Variants in EIF4G3 observed in about 807,000 individuals in gnomAD.
EIF4G3 encodes eIF-4-gamma 3.
Under a neutral mutation model 186.4 loss-of-function variants are expected in EIF4G3, and 34 were observed. The ratio of observed to expected loss-of-function variants is 0.18; its 90% CI spans 0.14 to 0.24. EIF4G3 has a LOEUF of 0.24. EIF4G3 is among the 10% of genes least tolerant of loss of function. The pLI, the probability that EIF4G3 is intolerant of heterozygous loss-of-function variation, is 1.00. For synonymous variants in EIF4G3, 673 were observed against 679.5 expected (o/e 0.99, Z 0.15); for missense variants, 1,536 against 1,948.5 (o/e 0.79, Z 3.99).
chr1:20,884,675 G>A (rs2083523901), intron 19 of EIF4G3, among the ~76,000 whole-genome samples: 1 of 152,122 alleles, frequency 6.6e-6, no homozygotes, highest in African/African-American at 2.4e-5. Flanking sequence ...GGAACCCTGT[G>A]GCAAATGTTT....
At chr1:20,878,578 T>C (rs1293787829) in intron 20 of EIF4G3, among the ~76,000 whole-genome samples, 2 of 152,194 alleles carry the variant, frequency 1.3e-5, no homozygotes, top group African/African-American at 4.8e-5. Flanking sequence ...TGAGAGAATT[T>C]TGCATTTTCA....
intron 14 of EIF4G3, among the ~76,000 whole-genome samples, chr1:20,939,340 T>C (rs1324673458): frequency 6.6e-6 from 1 of 152,194 alleles, no homozygotes; most frequent in Non-Finnish European, 1.5e-5. Context: ...CTTTCTTTTC[T>C]AAGTGCTCTC....
chr1:20,826,134 C>T (rs1356314998), intron 32 of EIF4G3, among the ~76,000 whole-genome samples: 1 of 152,168 alleles, frequency 6.6e-6, no homozygotes. Flanking sequence ...GCTGTTTCTA[C>T]ACATCAAAGT....
chr1:20,812,476 A>G lies in EIF4G3; in HGVS notation c.4597+682T>C, dbSNP rs998530. Among the ~76,000 whole-genome samples the G allele has an allele frequency of 7.1e-3, 1,085 of 152,352 alleles. 42 individuals are homozygous for G. The highest frequency in any genetic ancestry group is 0.05 in the Admixed American group (772 of 15,306). On this transcript the variant is annotated intron_variant, in intron 35 of 36. Transcript: ENST00000602326. ...AAGCTATATTAAGTGGCAGAAAGCCATCTTCAAAATAGAGACAGACTTGAA... is the reference window on the plus strand; with the variant it reads ...AAGCTATATTAAGTGGCAGAAAGCCGTCTTCAAAATAGAGACAGACTTGAA...
At chr1:20,922,131 T>C (rs2094528970) in intron 14 of EIF4G3, among the ~76,000 whole-genome samples, 1 of 152,240 alleles carries the variant, frequency 6.6e-6, no homozygotes, top group Non-Finnish European at 1.5e-5. Context: ...TATTTCCATA[T>C]CGAACATAAC....
intron 4 of EIF4G3, among the ~76,000 whole-genome samples, chr1:21,036,334 G>A (rs2093195923): frequency 6.6e-6 from 1 of 152,098 alleles, no homozygotes; most frequent in African/African-American, 2.4e-5. Context: ...TCTTCATCTT[G>A]TACACTCTAC....
intron 14 of EIF4G3, among the ~76,000 whole-genome samples, chr1:20,917,883 A>G (rs1010512216): frequency 6.6e-6 from 1 of 152,204 alleles, no homozygotes; most frequent in African/African-American, 2.4e-5. Context: ...GTTTACTGAC[A>G]TAAAAACATT....
chr1:20,962,537 G>C (rs994386618), intron 12 of EIF4G3, among the ~76,000 whole-genome samples: 2 of 152,128 alleles, frequency 1.3e-5, no homozygotes, highest in African/African-American at 4.8e-5. Flanking sequence ...TCAAAAAGTT[G>C]ATATCAAGCA....
At chr1:21,135,935 G>A (rs924241578) in intron 2 of EIF4G3, among the ~76,000 whole-genome samples, 33 of 152,168 alleles carry the variant, frequency 2.2e-4, no homozygotes, top group African/African-American at 8.0e-4. Flanking sequence ...TGTAATCCCA[G>A]CACTTTGGGA....
Position 20,941,690 on chromosome 1 carries a change from A to C in EIF4G3, c.1464T>G (p.Val488=). ...AACTAACAGTAGTGGCAGCAGCAGG[A>C]ACAATGACTGGAGTGTGAGGAGGAG... The part of the protein sequence containing the change: ...PASPPHTPVI[V]PAAATTVSSP... Residue 488 remains valine, a synonymous_variant, in exon 14 of 37, where the codon GTT becomes GTG. Coordinates refer to ENST00000602326, the MANE Select transcript of EIF4G3 (RefSeq NM_001391906.1). 6.2e-7 allele frequency: 1 copy of C among 1,613,286 alleles called. No homozygotes were observed. The highest frequency in any genetic ancestry group is 8.5e-7 in the Non-Finnish European group (1 of 1,179,672).
chr1:21,146,150 C>T (rs898343581), intron 2 of EIF4G3, among the ~76,000 whole-genome samples: 2 of 151,994 alleles, frequency 1.3e-5, no homozygotes, highest in African/African-American at 2.4e-5. Context: ...GCCCAGGAAT[C>T]GCAGACCAGT....
At chr1:21,059,950 CA>C (rs931999867) in intron 3 of EIF4G3, among the ~76,000 whole-genome samples, 2 of 152,210 alleles carry the variant, frequency 1.3e-5, no homozygotes, top group Admixed American at 1.3e-4. Context: ...TTGAGGGCCA[CA>C]GGGCAAACTC....
At chr1:20,816,378 G>A (rs1421016799) in intron 34 of EIF4G3, among the ~76,000 whole-genome samples, 3 of 101,836 alleles carry the variant, frequency 2.9e-5, no homozygotes, top group Non-Finnish European at 4.2e-5. Flanking sequence ...GGGGGGGTCA[G>A]CCCCCCGCCC....
intron 3 of EIF4G3, 131 bp downstream of exon 3, chr1:21,089,007 C>G: frequency 1.6e-6 from 1 of 618,512 alleles, no homozygotes; most frequent in Non-Finnish European, 2.9e-6. Flanking sequence ...GCCTATCATT[C>G]TATTCAGAAT....
At position 20,943,968 on chromosome 1, in the gene EIF4G3, T is replaced by TGTGTGTGTGTGTGTGTGTGTG. The variant is rs1558362029; in HGVS notation, c.824-1639_824-1638insCACACACACACACACACACAC. On this transcript the variant is annotated intron_variant, in intron 13 of 36. Coordinates refer to ENST00000602326, the MANE Select transcript of EIF4G3 (RefSeq NM_001391906.1). ...AATATTTCAGGAAAACTTGTCTTTA[T>TGTGTGTGTGTGTGTGTGTGTG]TTTTTTTGTGTGTGTGTGTGTGTGT... 8.4e-4 allele frequency among the ~76,000 whole-genome samples: 10 copies of TGTGTGTGTGTGTGTGTGTGTG among 11,954 alleles called. 2 individuals are homozygous for TGTGTGTGTGTGTGTGTGTGTG. The highest frequency in any genetic ancestry group is 4.6e-3 in the South Asian group (4 of 862). 7.8% of individuals were successfully genotyped at this position (11,954 alleles called of 152,430 possible).
chr1:21,057,909 T>C (rs2094642224), intron 3 of EIF4G3, among the ~76,000 whole-genome samples: 1 of 152,210 alleles, frequency 6.6e-6, no homozygotes, highest in South Asian at 2.1e-4. Flanking sequence ...AATAATCTCC[T>C]ATAAAATTAA....
At chr1:20,981,518 TAC>T (rs927208774) in intron 8 of EIF4G3, among the ~76,000 whole-genome samples, 6 of 64,630 alleles carry the variant, frequency 9.3e-5, no homozygotes, top group Non-Finnish European at 1.1e-4. Flanking sequence ...ACTGTATATA[TAC>T]ATACATACAT....
At chr1:20,883,455 A>G (rs529604777) in intron 19 of EIF4G3, among the ~76,000 whole-genome samples, 1 of 152,076 alleles carries the variant, frequency 6.6e-6, no homozygotes, top group Admixed American at 6.5e-5. Flanking sequence ...GGTCTCTACT[A>G]AAAATATAAA....
At chr1:20,814,133 A>C (rs1056507659) in intron 34 of EIF4G3, among the ~76,000 whole-genome samples, 1 of 151,376 alleles carries the variant, frequency 6.6e-6, no homozygotes, top group Admixed American at 6.6e-5. Flanking sequence ...TACTCAGCTA[A>C]TTTTTTAGTA....
Sources: gnomAD v4.1 joint callset for allele counts (sites outside exome capture counted in the v4.1 genomes callset) on GRCh38, gnomAD v4.1.1 for gene constraint, MANE v1.5 for transcripts, NCBI Gene and HGNC (gene_info 2026-07-23, HGNC 2026-07-21) for gene names.